The following INTS4 variants were observed in gnomAD, a reference collection of about 807,000 sequenced individuals.
INTS4 encodes integrator complex subunit 4.
INTS4 carries 70 observed loss-of-function variants against 119.5 expected under a neutral mutation model. The observed-to-expected ratio is 0.59, with a 90% confidence interval of 0.48 to 0.71. The LOEUF (loss-of-function observed/expected upper bound fraction) is 0.71, where lower values mean the gene tolerates loss of function less well. Among genes scored for constraint, INTS4 ranks in the 30% least tolerant of loss-of-function variants. The probability of loss-of-function intolerance (pLI) is 0.00; values close to 1 mark genes in which losing one functional copy is unlikely to be tolerated. For missense variants in INTS4, 867 were observed against 1,173.2 expected (o/e 0.74, Z 3.81); for synonymous variants, 316 against 419.6 (o/e 0.75, Z 3.02).
intron 8 of INTS4, among the ~76,000 whole-genome samples, chr11:77,953,455 T>C (rs1250105104): frequency 6.6e-6 from 1 of 152,174 alleles, no homozygotes; most frequent in Admixed American, 6.5e-5. Context: ...TGAGAGATAT[T>C]AGAACCCCAC....
chr11:77,878,952 G>A lies in INTS4; in HGVS notation c.2889C>T (p.Arg963=), dbSNP rs1951685740. The change falls in exon 23 of 23, where the codon CGC becomes CGT. Residue 963 remains arginine (R), a synonymous_variant. Coordinates refer to ENST00000534064, the MANE Select transcript of INTS4 (RefSeq NM_033547.4). ...KVYIMPKPAR[R] ...GGTTGGGAAGACTGTTTTTGCCTTA[G>A]CGCCGTGCAGGTTTGGGCATTATAT... 1.2e-6 allele frequency: 2 copies of A among 1,613,486 alleles called. No individual in the cohort carries two copies. The highest frequency in any genetic ancestry group is 1.7e-6 in the Non-Finnish European group (2 of 1,179,746).
intron 18 of INTS4, among the ~76,000 whole-genome samples, chr11:77,899,317 A>G (rs1952673009): frequency 6.6e-6 from 1 of 152,128 alleles, no homozygotes; most frequent in African/African-American, 2.4e-5. Context: ...TGGAGGAAAA[A>G]AGAAAACAAT....
chr11:77,965,597 C>A (rs1010234964), intron 4 of INTS4, among the ~76,000 whole-genome samples: 4 of 152,156 alleles, frequency 2.6e-5, no homozygotes, highest in Non-Finnish European at 5.9e-5. Context: ...TTTTTCTGTG[C>A]TCGGCTTATG....
rs761947815 is a variant in INTS4, at chr11:77,879,090, G to C, written c.2751C>G (p.Tyr917Ter). The C allele has an allele frequency of 6.2e-7, 1 of 1,614,184 alleles. No homozygotes were observed. The highest frequency in any genetic ancestry group is 8.5e-7 in the Non-Finnish European group (1 of 1,180,028). Residue 917 changes from tyrosine to a stop codon, truncating the protein, a stop_gained, in exon 23 of 23, where the codon TAC (tyrosine) becomes TAG (stop). Transcript: ENST00000534064. LOFTEE classifies it high-confidence loss of function. ...ATTTTGGAATGCGAGCACTGGAGTT[G>C]TAGGCCAGCAGCAGCCTCACTTCCA... The part of the protein sequence containing the change: ...CQVEVRLLLA[Y>*]NSSARIPKCP...
chr11:77,967,508 C>G (rs564787812), intron 4 of INTS4, among the ~76,000 whole-genome samples: 3 of 152,096 alleles, frequency 2.0e-5, no homozygotes, highest in Non-Finnish European at 2.9e-5. Context: ...AGGTATATCC[C>G]GTAAGTGAAC....
chr11:77,918,341 G>A (rs1179674405), intron 15 of INTS4: 2 of 437,724 alleles, frequency 4.6e-6, no homozygotes, highest in South Asian at 2.1e-5. Context: ...GGAGGCTGAA[G>A]TGGGAGAATC....
chr11:77,918,416 CAAAAAAAAA>C (rs34005455), intron 15 of INTS4: 3 of 58,524 alleles, frequency 5.1e-5, no homozygotes, highest in African/African-American at 2.2e-4. Context: ...GACCCTGTCT[CAAAAAAAAA>C]AAAAAAAAAA....
At chr11:77,973,543 T>C (rs1855816204) in intron 4 of INTS4, among the ~76,000 whole-genome samples, 2 of 152,128 alleles carry the variant, frequency 1.3e-5, no homozygotes, top group Admixed American at 6.5e-5. Context: ...TGATGTTTCC[T>C]GTCAGTTTTG....
At chr11:77,933,360 T>C (rs1436115495) in intron 10 of INTS4, among the ~76,000 whole-genome samples, 1 of 150,692 alleles carries the variant, frequency 6.6e-6, no homozygotes, top group African/African-American at 2.5e-5. Flanking sequence ...GTGCCTGGGA[T>C]TGCAGGCGCG....
intron 22 of INTS4, among the ~76,000 whole-genome samples, chr11:77,883,400 A>T (rs1951869642): frequency 6.6e-6 from 1 of 152,196 alleles, no homozygotes; most frequent in Non-Finnish European, 1.5e-5. Flanking sequence ...AAATGAAAAA[A>T]AATATTTTTA....
chr11:77,941,216 C>T lies in INTS4; in HGVS notation c.954G>A (p.Glu318=). Residue 318 remains glutamate (E), a synonymous_variant, in exon 9 of 23, where the codon GAG becomes GAA. Transcript: ENST00000534064. ...SMEQVSSHFL[E]QTLDKKLMSD... is the part of the protein sequence containing the mutation. ...ACATCAGCTTCTTGTCAAGGGTCTG[C>T]TCCAAGAAATGAGAACTGACTTGCT... The T allele has an allele frequency of 6.2e-7, 1 of 1,612,944 alleles. No individual in the cohort carries two copies. The highest frequency in any genetic ancestry group is 1.1e-5 in the South Asian group (1 of 90,730).
chr11:77,881,581 T>A (rs1328715905), intron 22 of INTS4, among the ~76,000 whole-genome samples: 1 of 152,214 alleles, frequency 6.6e-6, no homozygotes, highest in Non-Finnish European at 1.5e-5. Flanking sequence ...AGAATACTAA[T>A]TTCCACTGCA....
At chr11:77,937,601 G>A (rs967705948) in intron 10 of INTS4, among the ~76,000 whole-genome samples, 15 of 151,900 alleles carry the variant, frequency 9.9e-5, no homozygotes, top group African/African-American at 2.4e-4. Flanking sequence ...AAAATTAGCC[G>A]GGCATGGTGA....
chr11:77,963,007 T>C (rs1310096976), intron 4 of INTS4, among the ~76,000 whole-genome samples: 1 of 152,116 alleles, frequency 6.6e-6, no homozygotes, highest in Non-Finnish European at 1.5e-5. Context: ...AGAGCAAGAC[T>C]GTCTCAAACC....
chr11:77,955,890 A>G (rs1954307979), intron 8 of INTS4, 52 bp downstream of exon 8: 3 of 1,525,646 alleles, frequency 2.0e-6, no homozygotes, highest in Middle Eastern at 2.3e-4. Flanking sequence ...TTCTACAGAA[A>G]AGAAAATAAA....
rs189806769 is a variant in INTS4 at position 77,896,739 on chromosome 11, T to C, written c.2229-2390A>G. On this transcript the variant is annotated intron_variant, in intron 18 of 22. Coordinates refer to ENST00000534064, the MANE Select transcript of INTS4 (RefSeq NM_033547.4). ...TACAAAAGAAAAGGTATAGGAAAAATAGATCCAGAAAATCCAACATTTAGT... is the reference window on the plus strand; with the variant it reads ...TACAAAAGAAAAGGTATAGGAAAAACAGATCCAGAAAATCCAACATTTAGT... Among the ~76,000 whole-genome samples, 87 of 117,030 alleles carry C rather than the reference T, an allele frequency of 7.4e-4. No individual in the cohort carries two copies. In the Middle Eastern group the frequency reaches 0.021, roughly 28 times the overall value. 76.8% of individuals were successfully genotyped at this position (117,030 alleles called of 152,430 possible). A position where few individuals can be genotyped will look rare whatever the true frequency, so the allele number is the denominator to read the frequency against.
At chr11:77,895,013 G>C (rs1201919143) in intron 18 of INTS4, among the ~76,000 whole-genome samples, 1 of 152,172 alleles carries the variant, frequency 6.6e-6, no homozygotes, top group Non-Finnish European at 1.5e-5. Context: ...AAATTCCTGT[G>C]CAAGAGGGGA....
At chr11:77,915,765 T>C (rs1953191490) in intron 15 of INTS4, among the ~76,000 whole-genome samples, 1 of 152,232 alleles carries the variant, frequency 6.6e-6, no homozygotes, top group Non-Finnish European at 1.5e-5. Context: ...TGTATCTTCC[T>C]AGACTACATA....
At position 77,922,486 on chromosome 11, in the gene INTS4, T is replaced by C; in HGVS notation, c.1515-15A>G. On this transcript the variant is annotated splice_polypyrimidine_tract_variant and intron_variant, in intron 12 of 22. Coordinates refer to ENST00000534064, the MANE Select transcript of INTS4 (RefSeq NM_033547.4). ...ACTTCAAGCACCTGAAACAAACAAA[T>C]AAGAATGCACATCAACAAATTAGTA... 1.7e-6 allele frequency: 2 copies of C among 1,193,216 alleles called. No individual in the cohort carries two copies. The highest frequency in any genetic ancestry group is 2.4e-6 in the Non-Finnish European group (2 of 849,228). 73.9% of individuals were successfully genotyped at this position (1,193,216 alleles called of 1,614,324 possible).
Sources: gnomAD v4.1 joint callset for allele counts (sites outside exome capture counted in the v4.1 genomes callset) on GRCh38, gnomAD v4.1.1 for gene constraint, MANE v1.5 for transcripts, NCBI Gene and HGNC (gene_info 2026-07-23, HGNC 2026-07-21) for gene names.